The following DCAF7 variants were observed in gnomAD, a reference collection of about 807,000 sequenced individuals.
DCAF7 encodes DDB1- and CUL4-associated factor 7.
DCAF7 carries 4 observed loss-of-function variants against 41.2 expected under a neutral mutation model. That is an observed-to-expected ratio of 0.10 (90% CI 0.05 to 0.22). The LOEUF (loss-of-function observed/expected upper bound fraction) is 0.22. Ranked by LOEUF, DCAF7 falls within the 10% of genes least tolerant of loss-of-function variation. DCAF7 has a pLI of 1.00. For synonymous variants in DCAF7, 143 were observed against 164.2 expected (o/e 0.87, Z 0.99); for missense variants, 131 against 443.2 (o/e 0.30, Z 6.32).
chr17:63,580,691 G>A (rs2033613696), intron 4 of DCAF7, among the ~76,000 whole-genome samples: 1 of 151,696 alleles, frequency 6.6e-6, no homozygotes, highest in Non-Finnish European at 1.5e-5. Flanking sequence ...GCTAATTTTT[G>A]TATTTTTTAG....
chr17:63,563,997 C>T (rs1471840724), intron 1 of DCAF7, among the ~76,000 whole-genome samples: 1 of 152,020 alleles, frequency 6.6e-6, no homozygotes, highest in African/African-American at 2.4e-5. Context: ...AGCCTTGGCT[C>T]TAGAATTTCA....
At chr17:63,555,966 G>C (rs1013719644) in intron 1 of DCAF7, among the ~76,000 whole-genome samples, 1 of 152,198 alleles carries the variant, frequency 6.6e-6, no homozygotes, top group Admixed American at 6.5e-5. Context: ...TGAGCCACGA[G>C]CCAAAGGTGT....
intron 1 of DCAF7, among the ~76,000 whole-genome samples, chr17:63,562,450 A>G (rs928328427): frequency 6.6e-6 from 1 of 152,224 alleles, no homozygotes; most frequent in Non-Finnish European, 1.5e-5. Flanking sequence ...GTACATACAA[A>G]TAAAACATTT....
rs1568105490 is a variant in DCAF7 at position 63,584,466 on chromosome 17, T to TA, written c.739-745_739-744insA. Among the ~76,000 whole-genome samples, 91 of 139,840 alleles carry TA rather than the reference T, an allele frequency of 6.5e-4. 1 individual carries two copies. The highest frequency in any genetic ancestry group is 2.5e-3 in the African/African-American group (89 of 35,604). 91.7% of individuals were successfully genotyped at this position (139,840 alleles called of 152,430 possible). On this transcript the variant is annotated intron_variant, in intron 5 of 6. Coordinates refer to ENST00000614556, the MANE Select transcript of DCAF7 (RefSeq NM_005828.5). ...CTGGGAGATAGAGCAAGACTCCATC[T>TA]GAAAAAAAAAAAAGGCCAGGCACGG...
In DCAF7 at chr17:63,553,337, A is replaced by G. The variant is rs140251696; in HGVS notation, c.138+2522A>G. 7.4e-3 allele frequency among the ~76,000 whole-genome samples: 1,128 copies of G among 152,302 alleles called. 13 individuals are homozygous for G. The highest frequency in any genetic ancestry group is 0.025 in the African/African-American group (1,054 of 41,560). On this transcript the variant is annotated intron_variant, in intron 1 of 6. Coordinates refer to ENST00000614556, the MANE Select transcript of DCAF7 (RefSeq NM_005828.5). ...CATACCACTGTGAGCACCTGACCCC[A>G]TTTGTAATTGAAGGAAACAAAAAAA...
At chr17:63,585,123 T>C (rs1442147497) in intron 5 of DCAF7, 88 bp from the exon 6 acceptor site, 6 of 1,084,518 alleles carry the variant, frequency 5.5e-6, no homozygotes, top group Non-Finnish European at 6.9e-6. Flanking sequence ...AAATTATGCC[T>C]AAAAAGATTT....
chr17:63,587,040 A>G (rs2033684914), intron 6 of DCAF7, among the ~76,000 whole-genome samples: 1 of 152,110 alleles, frequency 6.6e-6, no homozygotes, highest in African/African-American at 2.4e-5. Flanking sequence ...TTGCACTGAT[A>G]GGATTCTGTC....
intron 1 of DCAF7, among the ~76,000 whole-genome samples, chr17:63,568,631 C>T (rs533311056): frequency 9.8e-4 from 149 of 152,230 alleles, no homozygotes; most frequent in African/African-American, 3.4e-3. Context: ...ATTTAACGTT[C>T]GTTGCTCGCA....
In DCAF7 at chr17:63,589,311, T is replaced by A; in HGVS notation, c.*139T>A. ...CACCCACTGTTACCAGAAGCTGCTC[T>A]AGGAGTTCCTGGCCAGTCACCCCAT... is the stretch of plus-strand genomic sequence containing the variant. On this transcript the variant is annotated 3_prime_UTR_variant, in exon 7 of 7. Transcript: ENST00000614556. 1 of 1,187,054 alleles carries A rather than the reference T, an allele frequency of 8.4e-7. No individual in the cohort carries two copies. Among genetic ancestry groups the A allele is most frequent in the Non-Finnish European group, 1.2e-6 (1 of 826,622 alleles). 73.5% of individuals were successfully genotyped at this position (1,187,054 alleles called of 1,614,324 possible).
At chr17:63,573,947 C>T (rs1189822066) in intron 1 of DCAF7, among the ~76,000 whole-genome samples, 3 of 152,044 alleles carry the variant, frequency 2.0e-5, no homozygotes, top group African/African-American at 7.3e-5. Context: ...GATGTGTGGC[C>T]CTCAGAGGCC....
chr17:63,569,639 A>T (rs1485560683), intron 1 of DCAF7, among the ~76,000 whole-genome samples: 3 of 152,186 alleles, frequency 2.0e-5, no homozygotes, highest in Non-Finnish European at 4.4e-5. Flanking sequence ...GATATTTAGG[A>T]GCCAATACTA....
At chr17:63,586,213 G>T (rs1193618417) in intron 6 of DCAF7, among the ~76,000 whole-genome samples, 1 of 152,024 alleles carries the variant, frequency 6.6e-6, no homozygotes, top group African/African-American at 2.4e-5. Flanking sequence ...AGCACTTTGG[G>T]AGGCTAAAGT....
chr17:63,583,773 A>G (rs2033649128), intron 5 of DCAF7, 62 bp downstream of exon 5: 1 of 1,536,728 alleles, frequency 6.5e-7, no homozygotes, highest in Non-Finnish European at 8.9e-7. Flanking sequence ...TAGTATATCT[A>G]GAAGGCTGGT....
At chr17:63,568,738 A>G (rs1041187402) in intron 1 of DCAF7, among the ~76,000 whole-genome samples, 2 of 152,158 alleles carry the variant, frequency 1.3e-5, no homozygotes, top group Non-Finnish European at 2.9e-5. Flanking sequence ...CAGGCCTCTC[A>G]TGGGACTGGA....
intron 5 of DCAF7, among the ~76,000 whole-genome samples, chr17:63,584,453 G>A (rs561600438): frequency 3.3e-5 from 5 of 149,694 alleles, no homozygotes; most frequent in Admixed American, 6.7e-5. Flanking sequence ...GGGAGATAGA[G>A]CAAGACTCCA....
chr17:63,575,239 G>A (rs2033549289), intron 1 of DCAF7, among the ~76,000 whole-genome samples: 1 of 152,170 alleles, frequency 6.6e-6, no homozygotes, highest in Non-Finnish European at 1.5e-5. Flanking sequence ...GCTGAGGCAG[G>A]AGAATTGCTT....
intron 1 of DCAF7, among the ~76,000 whole-genome samples, chr17:63,563,301 C>CT (rs2033403931): frequency 6.6e-6 from 1 of 152,200 alleles, no homozygotes; most frequent in Non-Finnish European, 1.5e-5. Flanking sequence ...GTGATATCAT[C>CT]TTTCCCTTTT....
intron 1 of DCAF7, among the ~76,000 whole-genome samples, chr17:63,559,423 A>ATATATATGTGTG (rs2033354698): frequency 4.8e-5 from 5 of 104,306 alleles, no homozygotes; most frequent in African/African-American, 2.5e-4. Context: ...ATATATACGT[A>ATATATATGTGTG]TATATATATG....
At chr17:63,584,468 A>G in intron 5 of DCAF7, among the ~76,000 whole-genome samples, 1 of 145,680 alleles carries the variant, frequency 6.9e-6, no homozygotes, top group Non-Finnish European at 1.5e-5. Context: ...ACTCCATCTG[A>G]AAAAAAAAAA....
Sources: allele counts gnomAD v4.1 joint callset (sites outside exome capture counted in the v4.1 genomes callset), GRCh38; gene constraint gnomAD v4.1.1; transcripts MANE v1.5; gene names NCBI Gene and HGNC (gene_info 2026-07-23, HGNC 2026-07-21).